The following CBX5 variants were observed in gnomAD, a reference collection of about 807,000 sequenced individuals.
CBX5 encodes chromobox protein homolog 5.
Under a neutral mutation model 20.7 loss-of-function variants are expected in CBX5, and 7 were observed. That is an observed-to-expected ratio of 0.34 (90% confidence interval 0.19 to 0.63). The LOEUF is 0.63. Among genes scored for constraint, CBX5 ranks in the 30% least tolerant of loss-of-function variants. The pLI is 0.75. For synonymous variants in CBX5, 78 were observed against 77.0 expected (o/e 1.01, Z -0.07); for missense variants, 110 against 224.1 (o/e 0.49, Z 3.25).
rs1943663843 is a variant in CBX5 at position 54,240,344 on chromosome 12, G to C, written c.*1411C>G. The C allele has an allele frequency of 6.6e-6, 1 of 151,994 alleles. No individual in the cohort carries two copies. Among genetic ancestry groups the C allele is most frequent in the Non-Finnish European group, 1.5e-5 (1 of 67,994 alleles). 9.4% of individuals were successfully genotyped at this position (151,994 alleles called of 1,614,324 possible). A position where few individuals can be genotyped will look rare whatever the true frequency, so the allele number is the denominator to read the frequency against. Reference sequence around the variant, plus strand: ...GGGTGTGTCAACATGCTAATGCCAGGGCCTGTCACTTTCCAAGGTGACAGT... The same window carrying C: ...GGGTGTGTCAACATGCTAATGCCAGCGCCTGTCACTTTCCAAGGTGACAGT... On this transcript the variant is annotated 3_prime_UTR_variant, in exon 5 of 5. Transcript: ENST00000209875.
chr12:54,255,296 A>G (rs1943851514), intron 2 of CBX5, among the ~76,000 whole-genome samples: 1 of 152,082 alleles, frequency 6.6e-6, no homozygotes, highest in South Asian at 2.1e-4. Context: ...GTGGTGGCTC[A>G]CGCCTGTAAT....
At chr12:54,257,911 A>AT (rs1943878327) in intron 1 of CBX5, among the ~76,000 whole-genome samples, 1 of 152,200 alleles carries the variant, frequency 6.6e-6, no homozygotes, top group South Asian at 2.1e-4. Context: ...GACCAAAATT[A>AT]TTAGAAGGCA....
chr12:54,245,855 G>C (rs1943730085), intron 4 of CBX5, among the ~76,000 whole-genome samples: 1 of 152,142 alleles, frequency 6.6e-6, no homozygotes, highest in Non-Finnish European at 1.5e-5. Context: ...GCGGGCACCT[G>C]TCATCCCAGG....
chr12:54,240,872 T>G lies in CBX5; in HGVS notation c.*883A>C, dbSNP rs778536093. On this transcript the variant is annotated 3_prime_UTR_variant, in exon 5 of 5. Coordinates refer to ENST00000209875, the MANE Select transcript of CBX5 (RefSeq NM_012117.3). Reference sequence around the variant, plus strand: ...CAAGCACCAGGCAATCACTCACACCTACATAAATATACAGTCTAAATATGA... The same window carrying G: ...CAAGCACCAGGCAATCACTCACACCGACATAAATATACAGTCTAAATATGA... 1.3e-5 allele frequency: 2 copies of G among 152,160 alleles called. No homozygotes were observed. The highest frequency in any genetic ancestry group is 2.9e-5 in the Non-Finnish European group (2 of 68,030). The allele number at this position is 152,160 out of a possible 1,614,324, so 9.4% of individuals were successfully genotyped here.
At chr12:54,252,251 TA>T (rs748820409) in intron 2 of CBX5, 24 bp from the exon 3 acceptor site, 16,561 of 967,454 alleles carry the variant, frequency 0.017, 1 homozygote, top group East Asian at 0.02. Context: ...ATGGGAAAAT[TA>T]AAAAAAAAAG....
chr12:54,240,691 C>G lies in CBX5; in HGVS notation c.*1064G>C, dbSNP rs1565866023. 1 of 152,012 alleles carries G rather than the reference C, an allele frequency of 6.6e-6. No individual in the cohort carries two copies. The highest frequency in any genetic ancestry group is 1.5e-5 in the Non-Finnish European group (1 of 67,994). 9.4% of individuals were successfully genotyped at this position (152,012 alleles called of 1,614,324 possible). A position where few individuals can be genotyped will look rare whatever the true frequency, so the allele number is the denominator to read the frequency against. On this transcript the variant is annotated 3_prime_UTR_variant, in exon 5 of 5. Transcript: ENST00000209875. The stretch of plus-strand genomic sequence containing the variant: ...AATTGATATTGTGGCCAACAGCTCA[C>G]CTCTAAAACTTCCCCACTGAAAATA...
At chr12:54,249,402 G>A (rs1469090161) in intron 3 of CBX5, among the ~76,000 whole-genome samples, 3 of 151,328 alleles carry the variant, frequency 2.0e-5, no homozygotes, top group African/African-American at 7.3e-5. Context: ...AATTTTACTG[G>A]TCTGGGGTGC....
chr12:54,271,708 A>G (rs1944012238), intron 1 of CBX5: 2 of 152,342 alleles, frequency 1.3e-5, no homozygotes, highest in African/African-American at 4.8e-5. Context: ...TGTCCGCTTG[A>G]TGAATTTATT....
intron 1 of CBX5, among the ~76,000 whole-genome samples, chr12:54,262,256 A>C (rs1027147907): frequency 2.0e-5 from 3 of 152,240 alleles, no homozygotes; most frequent in African/African-American, 7.2e-5. Flanking sequence ...GAAACCTTTC[A>C]GAGAAAGAAA....
chr12:54,266,128 G>A (rs1273152564), intron 1 of CBX5, among the ~76,000 whole-genome samples: 1 of 150,806 alleles, frequency 6.6e-6, no homozygotes, highest in Non-Finnish European at 1.5e-5. Flanking sequence ...GATAAAAACG[G>A]CTGCGTGCGG....
intron 2 of CBX5, among the ~76,000 whole-genome samples, chr12:54,255,132 A>G (rs1943849991): frequency 6.6e-6 from 1 of 152,198 alleles, no homozygotes; most frequent in Admixed American, 6.5e-5. Context: ...ATGATTTAAA[A>G]AGAGCCTGGG....
In CBX5 at chr12:54,238,240, G is replaced by A. The variant is rs937291206; in HGVS notation, c.*3515C>T. 2 of 151,990 alleles carry A rather than the reference G, an allele frequency of 1.3e-5. No individual in the cohort carries two copies. Among genetic ancestry groups the A allele is most frequent in the African/African-American group, 4.8e-5 (2 of 41,402 alleles). 9.4% of individuals were successfully genotyped at this position (151,990 alleles called of 1,614,324 possible). ...AATGTCTGCATTAGGATCAAGACAAGAAGAAGACAGACAATCACTTTGGAA... is the reference window on the plus strand; with the variant it reads ...AATGTCTGCATTAGGATCAAGACAAAAAGAAGACAGACAATCACTTTGGAA... On this transcript the variant is annotated 3_prime_UTR_variant, in exon 5 of 5. Transcript: ENST00000209875.
intron 4 of CBX5, among the ~76,000 whole-genome samples, chr12:54,244,340 T>C (rs1433647717): frequency 2.0e-5 from 3 of 151,842 alleles, no homozygotes; most frequent in Admixed American, 1.3e-4. Context: ...AGGTAACATG[T>C]TTCTTTAGTG....
chr12:54,252,562 A>G (rs192127841), intron 2 of CBX5: 1 of 216,054 alleles, frequency 4.6e-6, no homozygotes, highest in African/African-American at 2.3e-5. Context: ...CAATAAGCAA[A>G]ATATTAAAAC....
In CBX5 at chr12:54,241,685, T is replaced by C. The variant is rs1943678334; in HGVS notation, c.*70A>G. ...TGTGTTTAGGATAGAAAGGGGTGGGTAGAAAGGAGAGGAGGCAGGGAGGTG... is the reference window on the plus strand; with the variant it reads ...TGTGTTTAGGATAGAAAGGGGTGGGCAGAAAGGAGAGGAGGCAGGGAGGTG... On this transcript the variant is annotated 3_prime_UTR_variant, in exon 5 of 5. Coordinates refer to ENST00000209875, the MANE Select transcript of CBX5 (RefSeq NM_012117.3). 6.9e-7 allele frequency: 1 copy of C among 1,442,300 alleles called. No homozygotes were observed. Among genetic ancestry groups the C allele is most frequent in the South Asian group, 1.3e-5 (1 of 76,084 alleles). 89.3% of individuals were successfully genotyped at this position (1,442,300 alleles called of 1,614,324 possible).
intron 3 of CBX5, among the ~76,000 whole-genome samples, chr12:54,250,645 A>G (rs1413192979): frequency 4.3e-5 from 6 of 138,490 alleles, no homozygotes; most frequent in East Asian, 2.2e-4. Flanking sequence ...CTCTACTAAA[A>G]ATACAAAAAA....
intron 1 of CBX5, among the ~76,000 whole-genome samples, chr12:54,260,561 G>A (rs1299339659): frequency 6.6e-6 from 1 of 151,270 alleles, no homozygotes; most frequent in Admixed American, 6.6e-5. Context: ...AAAAAGAGGA[G>A]AGCAGTTCTG....
chr12:54,239,955 C>T lies in CBX5; in HGVS notation c.*1800G>A, dbSNP rs1943659790. ...GGCTCATCTGTGGACTGGAGCAATC[C>T]ATCCATTCCCCTCATTACTCTGAAT... On this transcript the variant is annotated 3_prime_UTR_variant, in exon 5 of 5. Coordinates refer to ENST00000209875, the MANE Select transcript of CBX5 (RefSeq NM_012117.3). 1 of 152,188 alleles carries T rather than the reference C, an allele frequency of 6.6e-6. No homozygotes were observed. Among genetic ancestry groups the T allele is most frequent in the African/African-American group, 2.4e-5 (1 of 41,442 alleles). 9.4% of individuals were successfully genotyped at this position (152,188 alleles called of 1,614,324 possible).
chr12:54,252,266 G>A, intron 2 of CBX5, 39 bp from the exon 3 acceptor site: 1 of 1,472,546 alleles, frequency 6.8e-7, no homozygotes, highest in Non-Finnish European at 9.1e-7. Context: ...AAAAAAGGGG[G>A]GGGTAAAGAA....
Sources: gnomAD v4.1 joint callset for allele counts (sites outside exome capture counted in the v4.1 genomes callset) on GRCh38, gnomAD v4.1.1 for gene constraint, MANE v1.5 for transcripts, NCBI Gene and HGNC (gene_info 2026-07-23, HGNC 2026-07-21) for gene names.